CDK14: variants seen among roughly 807,000 people sequenced by gnomAD.
CDK14 encodes cyclin dependent kinase 14.
Under a neutral mutation model 60.7 loss-of-function variants are expected in CDK14, and 34 were observed. That is an observed-to-expected ratio of 0.56 (90% confidence interval 0.43 to 0.75). The LOEUF (loss-of-function observed/expected upper bound fraction) is 0.75. Among genes scored for constraint, CDK14 ranks in the 30% least tolerant of loss-of-function variants. The pLI, the probability that CDK14 is intolerant of heterozygous loss-of-function variation, is 0.00. For missense variants in CDK14, 482 were observed against 564.1 expected, an observed-to-expected ratio of 0.85 and a Z score of 1.47; for synonymous variants, 197 against 203.7, an observed-to-expected ratio of 0.97 and a Z score of 0.28.
intron 7 of CDK14, among the ~76,000 whole-genome samples, chr7:90,901,027 A>T (rs1413118213): frequency 6.6e-6 from 1 of 152,022 alleles, no homozygotes; most frequent in African/African-American, 2.4e-5. Flanking sequence ...ATTTTCCCTT[A>T]TCTCCTAATG....
chr7:90,796,859 A>G (rs1044318248), intron 5 of CDK14, among the ~76,000 whole-genome samples: 1 of 151,866 alleles, frequency 6.6e-6, no homozygotes, highest in Non-Finnish European at 1.5e-5. Flanking sequence ...AAGAAGTTGA[A>G]CCATGTATAA....
At chr7:90,808,993 G>A (rs147597305) in intron 5 of CDK14, among the ~76,000 whole-genome samples, 2 of 152,104 alleles carry the variant, frequency 1.3e-5, no homozygotes, top group Non-Finnish European at 1.5e-5. Context: ...GACCTACGAA[G>A]AGACTTAGAC....
intron 5 of CDK14, among the ~76,000 whole-genome samples, chr7:90,819,186 A>C (rs1006111762): frequency 6.6e-6 from 1 of 152,172 alleles, no homozygotes; most frequent in Non-Finnish European, 1.5e-5. Flanking sequence ...ATGAAGTATA[A>C]TGCAAAAGCA....
intron 7 of CDK14, among the ~76,000 whole-genome samples, chr7:90,910,810 G>A (rs945639052): frequency 6.6e-6 from 1 of 152,098 alleles, no homozygotes; most frequent in Non-Finnish European, 1.5e-5. Context: ...TACATGTGCA[G>A]GATGTGCAGG....
intron 2 of CDK14, among the ~76,000 whole-genome samples, chr7:90,621,708 T>C (rs952901902): frequency 8.6e-6 from 1 of 116,802 alleles, no homozygotes; most frequent in African/African-American, 3.3e-5. Context: ...TTCCTTCCTT[T>C]GCCACAGGAA....
At chr7:90,970,982 A>T (rs113268984) in intron 9 of CDK14, among the ~76,000 whole-genome samples, 102 of 152,206 alleles carry the variant, frequency 6.7e-4, no homozygotes, top group African/African-American at 2.2e-3. Context: ...CACAACGTGC[A>T]GGTTTGTTAC....
intron 2 of CDK14, among the ~76,000 whole-genome samples, chr7:90,706,359 A>G (rs143294923): frequency 6.6e-6 from 1 of 152,184 alleles, no homozygotes; most frequent in African/African-American, 2.4e-5. Context: ...CAAGCTACCC[A>G]TCCATTTCCA....
At chr7:90,621,479 C>T (rs1799763366) in intron 2 of CDK14, among the ~76,000 whole-genome samples, 1 of 152,232 alleles carries the variant, frequency 6.6e-6, no homozygotes, top group South Asian at 2.1e-4. Flanking sequence ...AGCATTTCTA[C>T]CTCTCTCTGA....
At chr7:90,650,779 G>A (rs1434496093) in intron 2 of CDK14, among the ~76,000 whole-genome samples, 1 of 152,094 alleles carries the variant, frequency 6.6e-6, no homozygotes, top group African/African-American at 2.4e-5. Flanking sequence ...GATGTGTGGT[G>A]TTATTTCTGA....
At chr7:90,667,891 A>G (rs368978673) in intron 2 of CDK14, among the ~76,000 whole-genome samples, 8 of 152,194 alleles carry the variant, frequency 5.3e-5, no homozygotes, top group African/African-American at 1.9e-4. Flanking sequence ...TTATAGCTTT[A>G]TATTCCGTGG....
At chr7:90,602,060 G>A (rs770828610) in intron 1 of CDK14, among the ~76,000 whole-genome samples, 35 of 152,270 alleles carry the variant, frequency 2.3e-4, no homozygotes, top group Middle Eastern at 6.8e-3. Context: ...ATCCGCCTCA[G>A]CCTTCCAAAG....
intron 10 of CDK14, among the ~76,000 whole-genome samples, chr7:91,043,900 A>T (rs1210148648): frequency 1.3e-5 from 2 of 152,206 alleles, no homozygotes; most frequent in East Asian, 3.8e-4. Flanking sequence ...TGCCACTCTG[A>T]CATCACTGCC....
chr7:90,874,733 T>A (rs1791499207), intron 6 of CDK14, among the ~76,000 whole-genome samples: 1 of 150,854 alleles, frequency 6.6e-6, no homozygotes, highest in Admixed American at 6.6e-5. Context: ...TTTCACCTTG[T>A]TAGCCAGGAT....
intron 5 of CDK14, among the ~76,000 whole-genome samples, chr7:90,792,559 C>G (rs539609828): frequency 6.6e-5 from 10 of 152,250 alleles, no homozygotes; most frequent in African/African-American, 2.4e-4. Flanking sequence ...ATAGCAGCAT[C>G]CAGTGCTTCC....
intron 5 of CDK14, among the ~76,000 whole-genome samples, chr7:90,843,424 A>C (rs1790366332): frequency 6.6e-6 from 1 of 152,188 alleles, no homozygotes; most frequent in Admixed American, 6.5e-5. Flanking sequence ...GATAATCTTA[A>C]GCACTGGGAA....
At chr7:90,886,968 A>G (rs748462696) in intron 6 of CDK14, among the ~76,000 whole-genome samples, 3 of 152,168 alleles carry the variant, frequency 2.0e-5, no homozygotes, top group Admixed American at 2.0e-4. Flanking sequence ...TTTTCATTTG[A>G]CAGACAAGTC....
intron 10 of CDK14, among the ~76,000 whole-genome samples, chr7:90,986,854 G>A (rs1795384890): frequency 6.6e-6 from 1 of 151,786 alleles, no homozygotes; most frequent in African/African-American, 2.4e-5. Context: ...GATAGCTGTT[G>A]AACAACAATA....
intron 5 of CDK14, among the ~76,000 whole-genome samples, chr7:90,806,611 A>T (rs916028731): frequency 6.6e-6 from 1 of 152,198 alleles, no homozygotes; most frequent in Non-Finnish European, 1.5e-5. Context: ...GAAGTGTTGG[A>T]AAGTGGGTGC....
At chr7:90,805,200 A>G (rs1361665888) in intron 5 of CDK14, among the ~76,000 whole-genome samples, 1 of 152,132 alleles carries the variant, frequency 6.6e-6, no homozygotes, top group Non-Finnish European at 1.5e-5. Flanking sequence ...TCTTGTCATG[A>G]TAGTAATTAA....
Sources: allele counts gnomAD v4.1 joint callset (sites outside exome capture counted in the v4.1 genomes callset), GRCh38; gene constraint gnomAD v4.1.1; transcripts MANE v1.5; gene names NCBI Gene and HGNC (gene_info 2026-07-23, HGNC 2026-07-21).